Variants in ST3GAL4 observed in about 807,000 individuals in gnomAD.
ST3GAL4 encodes CMP-N-acetylneuraminate-beta-galactosamide-alpha-2,3-sialyltransferase 4.
ST3GAL4 carries 24 observed loss-of-function variants against 42.6 expected under a neutral mutation model. The ratio of observed to expected loss-of-function variants is 0.56; its 90% CI spans 0.41 to 0.79. The LOEUF (loss-of-function observed/expected upper bound fraction) is 0.79. Ranked by LOEUF, ST3GAL4 falls within the 30% of genes least tolerant of loss-of-function variation. The probability of loss-of-function intolerance (pLI) is 0.00; values close to 1 mark genes in which losing one functional copy is unlikely to be tolerated. For missense variants in ST3GAL4, 311 were observed against 430.8 expected, an observed-to-expected ratio of 0.72 and a Z score of 2.46; for synonymous variants, 135 against 163.2, an observed-to-expected ratio of 0.83 and a Z score of 1.32.
intron 1 of ST3GAL4, among the ~76,000 whole-genome samples, chr11:126,388,723 ATATGT>A (rs1953342069): frequency 1.1e-5 from 1 of 91,692 alleles, no homozygotes; most frequent in Non-Finnish European, 2.1e-5. Flanking sequence ...GAATTTACTG[ATATGT>A]TAGGTATAGG....
At chr11:126,395,153 T>C (rs937418425) in intron 1 of ST3GAL4, among the ~76,000 whole-genome samples, 4 of 152,180 alleles carry the variant, frequency 2.6e-5, no homozygotes, top group Non-Finnish European at 5.9e-5. Flanking sequence ...CACTGCCTCT[T>C]CCACTCTGTT....
chr11:126,357,676 C>A (rs907015084), intron 1 of ST3GAL4, among the ~76,000 whole-genome samples: 9 of 152,226 alleles, frequency 5.9e-5, no homozygotes, highest in African/African-American at 2.2e-4. Flanking sequence ...GGGCTCCCTT[C>A]CCCAGCAGGA....
At chr11:126,361,339 CTG>C (rs1327366734) in intron 1 of ST3GAL4, among the ~76,000 whole-genome samples, 1 of 150,926 alleles carries the variant, frequency 6.6e-6, no homozygotes, top group Admixed American at 6.7e-5. Flanking sequence ...TTTTTTGAAA[CTG>C]TGACAGAGGG....
At chr11:126,405,912 TG>T in intron 1 of ST3GAL4, 183 bp from the exon 2 acceptor site, 1 of 715,204 alleles carries the variant, frequency 1.4e-6, no homozygotes, top group Non-Finnish European at 2.3e-6. Flanking sequence ...GGATCCTTAA[TG>T]CCGCCCTTGG....
At chr11:126,360,281 G>A (rs1208543546) in intron 1 of ST3GAL4, among the ~76,000 whole-genome samples, 1 of 152,254 alleles carries the variant, frequency 6.6e-6, no homozygotes, top group Non-Finnish European at 1.5e-5. Flanking sequence ...GGCAGAGGCT[G>A]AGGGATCCGC....
intron 9 of ST3GAL4, among the ~76,000 whole-genome samples, chr11:126,413,064 G>A (rs962869681): frequency 1.3e-5 from 2 of 152,124 alleles, no homozygotes; most frequent in Non-Finnish European, 2.9e-5. Flanking sequence ...AATGGTAGCC[G>A]CTAGGCACAT....
At chr11:126,390,575 A>G (rs1007518036) in intron 1 of ST3GAL4, among the ~76,000 whole-genome samples, 3 of 145,974 alleles carry the variant, frequency 2.1e-5, no homozygotes, top group Non-Finnish European at 3.0e-5. Flanking sequence ...ATGTCCACCA[A>G]GTGTTTGGGT....
chr11:126,368,978 G>A (rs903520303), intron 1 of ST3GAL4, among the ~76,000 whole-genome samples: 1 of 152,086 alleles, frequency 6.6e-6, no homozygotes, highest in Non-Finnish European at 1.5e-5. Flanking sequence ...TGGCAAGTAG[G>A]GGGAGGGCTG....
Position 126,392,379 on chromosome 11 carries a change from A to G in ST3GAL4, c.-60-13717A>G, listed in dbSNP as rs1447860374. On this transcript the variant is annotated intron_variant, in intron 1 of 10. Coordinates refer to ENST00000444328, the MANE Select transcript of ST3GAL4 (RefSeq NM_001254757.2). The surrounding 1 kb of genome is among the most constrained non-coding windows in gnomAD (Gnocchi z 5.8). ...GGTAAGTGGTTAAGATCAGTCGGAC[A>G]TGACAACCTCCAGTTCTGCAGAAGC... The G allele has an allele frequency of 1.0e-6, 1 of 985,758 alleles. No individual in the cohort carries two copies. Among genetic ancestry groups the G allele is most frequent in the Admixed American group, 6.1e-5 (1 of 16,270 alleles). 61.1% of individuals were successfully genotyped at this position (985,758 alleles called of 1,614,324 possible). A position where few individuals can be genotyped will look rare whatever the true frequency, so the allele number is the denominator to read the frequency against.
Position 126,392,960 on chromosome 11 carries a change from C to CT in ST3GAL4, c.-60-13118dup, listed in dbSNP as rs34002567. Among the ~76,000 whole-genome samples, 44,220 of 127,690 alleles carry CT rather than the reference C, an allele frequency of 0.35. 8,519 individuals carry two copies. Among genetic ancestry groups the CT allele is most frequent in the African/African-American group, 0.49 (16,349 of 33,412 alleles). The allele number at this position is 127,690 out of a possible 152,430, so 83.8% of individuals were successfully genotyped here. On this transcript the variant is annotated intron_variant, in intron 1 of 10. Coordinates refer to ENST00000444328, the MANE Select transcript of ST3GAL4 (RefSeq NM_001254757.2). This position sits in a 1 kb window ranked among gnomAD's most constrained non-coding sequence, Gnocchi z 5.8. ...ATTTGTAACACGACCAACTCCTGTT[C>CT]TTTTTTTTTTTTTTTTTTGAGACAG... is the stretch of plus-strand genomic sequence containing the variant.
rs1303342943 is a variant in ST3GAL4, at chr11:126,409,071, TTCC to T, written c.628-191_628-189del. 2.0e-5 allele frequency among the ~76,000 whole-genome samples: 3 copies of T among 152,146 alleles called. No homozygotes were observed. The highest frequency in any genetic ancestry group is 7.2e-5 in the African/African-American group (3 of 41,428). On this transcript the variant is annotated intron_variant, in intron 8 of 10. Transcript: ENST00000444328. The surrounding 1 kb of genome is among the most constrained non-coding windows in gnomAD (Gnocchi z 4.9). Reference sequence around the variant, plus strand: ...CACCTGGCCTCCCGAGGGGGTGCCTTTCCTCCTCTCTTTCCCTGGTCCTCTCCT... The same window carrying T: ...CACCTGGCCTCCCGAGGGGGTGCCTTTCCTCTCTTTCCCTGGTCCTCTCCT...
Position 126,386,147 on chromosome 11 carries a change from C to T in ST3GAL4, c.-60-19949C>T, listed in dbSNP as rs1292122810. Among the ~76,000 whole-genome samples the T allele has an allele frequency of 6.6e-6, 1 of 152,166 alleles. No homozygotes were observed. Among genetic ancestry groups the T allele is most frequent in the Admixed American group, 6.5e-5 (1 of 15,284 alleles). Reference sequence around the variant, plus strand: ...GTAGGCCTCCGGTTTATAGCCGGCTCCTCAGAGACATGGTTCTATCCCCCC... The same window carrying T: ...GTAGGCCTCCGGTTTATAGCCGGCTTCTCAGAGACATGGTTCTATCCCCCC... On this transcript the variant is annotated intron_variant, in intron 1 of 10. Coordinates refer to ENST00000444328, the MANE Select transcript of ST3GAL4 (RefSeq NM_001254757.2). The surrounding 1 kb of genome is among the most constrained non-coding windows in gnomAD (Gnocchi z 4.7).
Position 126,379,979 on chromosome 11 carries a change from C to T in ST3GAL4, c.-61+24137C>T, listed in dbSNP as rs772415549. On this transcript the variant is annotated intron_variant, in intron 1 of 10. Transcript: ENST00000444328. This position sits in a 1 kb window ranked among gnomAD's most constrained non-coding sequence, Gnocchi z 4.2. ...CTGTCTTTTACAAAAGAGCTAGTCT[C>T]GGCCGGGCACAGTGACTTGCGCCTG... Among the ~76,000 whole-genome samples, 6 of 152,062 alleles carry T rather than the reference C, an allele frequency of 3.9e-5. No homozygotes were observed. The highest frequency in any genetic ancestry group is 6.6e-5 in the Admixed American group (1 of 15,250).
intron 1 of ST3GAL4, among the ~76,000 whole-genome samples, chr11:126,367,487 C>T (rs1440912543): frequency 1.3e-5 from 2 of 152,160 alleles, no homozygotes; most frequent in African/African-American, 4.8e-5. Context: ...TGGAGAGGGG[C>T]TGCCTTGTGC....
In ST3GAL4 at chr11:126,406,011, G is replaced by T; in HGVS notation, c.-60-85G>T. 6.8e-7 allele frequency: 1 copy of T among 1,467,408 alleles called. No homozygotes were observed. The highest frequency in any genetic ancestry group is 9.3e-7 in the Non-Finnish European group (1 of 1,075,604). 90.9% of individuals were successfully genotyped at this position (1,467,408 alleles called of 1,614,324 possible). A position where few individuals can be genotyped will look rare whatever the true frequency, so the allele number is the denominator to read the frequency against. On this transcript the variant is annotated intron_variant, in intron 1 of 10. Coordinates refer to ENST00000444328, the MANE Select transcript of ST3GAL4 (RefSeq NM_001254757.2). The surrounding 1 kb of genome is among the most constrained non-coding windows in gnomAD (Gnocchi z 5.4). ...TTCCTGCTTTCTGGTGGAAGGGAGG[G>T]GCAGACAGTGGGTGTGTCCTGCTCC...
In ST3GAL4 at chr11:126,389,058, G is replaced by A. The variant is rs139639809; in HGVS notation, c.-60-17038G>A. ...CTCCCACAGTGCTGGGATTACAGGC[G>A]TGAGCCACCGCTCCCCGGCTCAGTT... On this transcript the variant is annotated intron_variant, in intron 1 of 10. Transcript: ENST00000444328. Among the ~76,000 whole-genome samples, 860 of 152,236 alleles carry A rather than the reference G, an allele frequency of 5.6e-3. 8 individuals carry two copies. Among genetic ancestry groups the A allele is most frequent in the Non-Finnish European group, 8.7e-3 (595 of 68,008 alleles).
chr11:126,399,014 C>A (rs1336621366), intron 1 of ST3GAL4, among the ~76,000 whole-genome samples: 1 of 152,198 alleles, frequency 6.6e-6, no homozygotes, highest in East Asian at 1.9e-4. Context: ...CACAGGTCAT[C>A]TCTGCAGTAC....
intron 1 of ST3GAL4, among the ~76,000 whole-genome samples, chr11:126,402,093 G>GGGGC (rs1565419633): frequency 1.6e-5 from 2 of 127,558 alleles, no homozygotes; most frequent in East Asian, 2.9e-4. Flanking sequence ...TTGGGGGAAA[G>GGGGC]AGGGGAGGTA....
intron 1 of ST3GAL4, chr11:126,403,471 T>C (rs1954096999): frequency 6.1e-6 from 6 of 984,244 alleles, no homozygotes; most frequent in Non-Finnish European, 7.2e-6. Context: ...GGCTGCATTT[T>C]AGAATCACAG....
Sources: allele counts gnomAD v4.1 joint callset (sites outside exome capture counted in the v4.1 genomes callset), GRCh38; gene constraint gnomAD v4.1.1; non-coding constraint Gnocchi (gnomAD v3.1); transcripts MANE v1.5; gene names NCBI Gene and HGNC (gene_info 2026-07-23, HGNC 2026-07-21).